The following CBFB variants were observed in gnomAD, a reference collection of about 807,000 sequenced individuals.
The protein encoded by CBFB is CBF-beta.
A neutral mutation model predicts 30.4 loss-of-function variants in CBFB; 9 were observed. The observed-to-expected ratio is 0.30, with a 90% confidence interval of 0.18 to 0.52. The LOEUF (loss-of-function observed/expected upper bound fraction) is 0.52. Ranked by LOEUF, CBFB falls within the 20% of genes least tolerant of loss-of-function variation. The probability of loss-of-function intolerance (pLI) is 0.97; values close to 1 mark genes in which losing one functional copy is unlikely to be tolerated. For synonymous variants in CBFB, 94 were observed against 84.0 expected (o/e 1.12, Z -0.65); for missense variants, 170 against 244.0 (o/e 0.70, Z 2.02).
chr16:67,084,423 G>T lies in CBFB; in HGVS notation c.495+2115G>T, dbSNP rs558899107. On this transcript the variant is annotated intron_variant, in intron 5 of 5. Transcript: ENST00000412916. ...TTCCAGGTGTTAAAAATCAGTATTA[G>T]GTACCTAAGATTGTTAAATTCATGT... 5.3e-5 allele frequency among the ~76,000 whole-genome samples: 8 copies of T among 152,094 alleles called. No individual in the cohort carries two copies. In the East Asian group the frequency reaches 1.5e-3, roughly 29 times the overall value.
intron 5 of CBFB, among the ~76,000 whole-genome samples, chr16:67,086,765 A>G (rs550852727): frequency 6.6e-6 from 1 of 152,352 alleles, no homozygotes; most frequent in South Asian, 2.1e-4. Context: ...TGAGAAATAT[A>G]TAGATGAAAA....
intron 3 of CBFB, among the ~76,000 whole-genome samples, chr16:67,051,981 A>T (rs1017379521): frequency 3.0e-4 from 46 of 151,908 alleles, no homozygotes; most frequent in Middle Eastern, 3.4e-3. Context: ...ATATATATAT[A>T]TTTTGAGACA....
At chr16:67,043,840 A>C (rs912894092) in intron 3 of CBFB, among the ~76,000 whole-genome samples, 1 of 152,206 alleles carries the variant, frequency 6.6e-6, no homozygotes, top group African/African-American at 2.4e-5. Flanking sequence ...TTTGTGCTAC[A>C]GTGTGCCTTA....
intron 3 of CBFB, among the ~76,000 whole-genome samples, chr16:67,038,063 C>T (rs1345296450): frequency 6.6e-6 from 1 of 151,628 alleles, no homozygotes; most frequent in Admixed American, 6.6e-5. Context: ...AAGAAGAAAC[C>T]CTCTTTTAAA....
At chr16:67,083,129 T>A (rs1169364099) in intron 5 of CBFB, among the ~76,000 whole-genome samples, 2 of 152,068 alleles carry the variant, frequency 1.3e-5, no homozygotes, top group Non-Finnish European at 1.5e-5. Flanking sequence ...CAGTGAGCAG[T>A]GATTGTGCCA....
Position 67,036,705 on chromosome 16 carries a change from C to A in CBFB, c.232C>A (p.Arg78=), listed in dbSNP as rs2145713574. Residue 78 remains arginine (R), a synonymous_variant, in exon 3 of 6, where the codon CGA becomes AGA. Coordinates refer to ENST00000412916, the MANE Select transcript of CBFB (RefSeq NM_022845.3). ...TCCGGCCAGCTGGCAGGGAGAACAG[C>A]GACAAACACCTAGCCGAGAGTATGT... ...FFPASWQGEQ[R]QTPSREYVDL... 1 of 1,613,396 alleles carries A rather than the reference C, an allele frequency of 6.2e-7. No homozygotes were observed. Among genetic ancestry groups the A allele is most frequent in the Non-Finnish European group, 8.5e-7 (1 of 1,179,484 alleles).
intron 3 of CBFB, among the ~76,000 whole-genome samples, chr16:67,061,541 A>C (rs1199348226): frequency 2.0e-5 from 3 of 152,174 alleles, no homozygotes; most frequent in Non-Finnish European, 2.9e-5. Flanking sequence ...AAAATGCCAA[A>C]CTGTTGAGAC....
intron 4 of CBFB, among the ~76,000 whole-genome samples, chr16:67,081,750 A>G (rs938878944): frequency 4.0e-5 from 6 of 151,842 alleles, no homozygotes; most frequent in Admixed American, 1.3e-4. Context: ...TATGATTTTC[A>G]GGTTGTGGTG....
intron 4 of CBFB, among the ~76,000 whole-genome samples, chr16:67,076,736 C>G (rs1487445390): frequency 1.3e-5 from 2 of 152,114 alleles, no homozygotes; most frequent in African/African-American, 4.8e-5. Flanking sequence ...AAGATTTTGG[C>G]ACTTTACCAT....
At chr16:67,029,943 T>G (rs1040489486) in intron 2 of CBFB, 130 bp downstream of exon 2, 20 of 538,252 alleles carry the variant, frequency 3.7e-5, no homozygotes, top group Non-Finnish European at 5.8e-5. Flanking sequence ...CACTTCCTAC[T>G]CGGGATTCAA....
intron 5 of CBFB, chr16:67,093,644 G>A (rs1383357835): frequency 6.6e-6 from 1 of 152,104 alleles, no homozygotes; most frequent in Non-Finnish European, 1.5e-5. Flanking sequence ...GTAGCACAAG[G>A]TTGAGATTAA....
rs1163773529 is a variant in CBFB, at chr16:67,055,357, C to CTT, written c.283-11299_283-11298dup. The stretch of plus-strand genomic sequence containing the variant: ...AAATCTATTGAATTCCAGACACTTT[C>CTT]TTTTTTTTTTTTTTTTTTTTTTTTT... On this transcript the variant is annotated intron_variant, in intron 3 of 5. Coordinates refer to ENST00000412916, the MANE Select transcript of CBFB (RefSeq NM_022845.3). Among the ~76,000 whole-genome samples the CTT allele has an allele frequency of 2.6e-3, 210 of 81,470 alleles. 26 individuals are homozygous for CTT. Among genetic ancestry groups the CTT allele is most frequent in the African/African-American group, 6.7e-3 (124 of 18,446 alleles). The allele number at this position is 81,470 out of a possible 152,430, so 53.4% of individuals were successfully genotyped here.
At chr16:67,042,366 C>G (rs536908562) in intron 3 of CBFB, among the ~76,000 whole-genome samples, 1 of 152,178 alleles carries the variant, frequency 6.6e-6, no homozygotes, top group East Asian at 1.9e-4. Context: ...TCAGGCTGGC[C>G]TCTAACTCCT....
At chr16:67,049,602 C>G (rs745787020) in intron 3 of CBFB, among the ~76,000 whole-genome samples, 15 of 152,182 alleles carry the variant, frequency 9.9e-5, no homozygotes, top group Non-Finnish European at 2.2e-4. Context: ...TCAAGCGATT[C>G]TTCCACCTCA....
intron 4 of CBFB, among the ~76,000 whole-genome samples, chr16:67,073,185 G>A (rs1009398321): frequency 6.6e-6 from 1 of 152,136 alleles, no homozygotes; most frequent in Non-Finnish European, 1.5e-5. Flanking sequence ...GAGCTAAATG[G>A]AAGAGAGTCA....
At chr16:67,069,903 C>G (rs1170721934) in intron 4 of CBFB, among the ~76,000 whole-genome samples, 1 of 152,094 alleles carries the variant, frequency 6.6e-6, no homozygotes, top group Non-Finnish European at 1.5e-5. Context: ...GTGGGAGGAT[C>G]ACTTGAGCCC....
intron 4 of CBFB, among the ~76,000 whole-genome samples, chr16:67,067,237 G>A (rs1388951335): frequency 6.6e-6 from 1 of 150,542 alleles, no homozygotes; most frequent in African/African-American, 2.4e-5. Flanking sequence ...AAAGCTGGAC[G>A]TGGTGGCTCA....
intron 3 of CBFB, among the ~76,000 whole-genome samples, chr16:67,049,543 G>T (rs1312928579): frequency 6.6e-6 from 1 of 152,098 alleles, no homozygotes; most frequent in Non-Finnish European, 1.5e-5. Flanking sequence ...CTCCCAAGCT[G>T]GAATGCAATG....
At chr16:67,092,312 T>C (rs1597162821) in intron 5 of CBFB, among the ~76,000 whole-genome samples, 1 of 152,174 alleles carries the variant, frequency 6.6e-6, no homozygotes, top group South Asian at 2.1e-4. Flanking sequence ...TTGGGGAAAG[T>C]GCATTCCTTT....
Sources: allele counts gnomAD v4.1 joint callset (sites outside exome capture counted in the v4.1 genomes callset), GRCh38; gene constraint gnomAD v4.1.1; transcripts MANE v1.5; gene names NCBI Gene and HGNC (gene_info 2026-07-23, HGNC 2026-07-21).